ANO4: variants seen among roughly 807,000 people sequenced by gnomAD.
The protein encoded by ANO4 is anoctamin-4.
A neutral mutation model predicts 141.9 loss-of-function variants in ANO4; 69 were observed. The ratio of observed to expected loss-of-function variants is 0.49; its 90% confidence interval spans 0.40 to 0.59. The LOEUF is 0.59. Ranked by LOEUF, ANO4 falls within the 20% of genes least tolerant of loss-of-function variation. ANO4 has a pLI of 0.00. For synonymous variants in ANO4, 350 were observed against 394.3 expected, an observed-to-expected ratio of 0.89 and a Z score of 1.33; for missense variants, 894 against 1,162.2, an observed-to-expected ratio of 0.77 and a Z score of 3.36.
At chr12:100,749,157 A>G (rs962674858) in intron 3 of ANO4, among the ~76,000 whole-genome samples, 1 of 152,282 alleles carries the variant, frequency 6.6e-6, no homozygotes, top group East Asian at 1.9e-4. Context: ...AGCTGGGGGT[A>G]AATGTCTCCT....
intron 7 of ANO4, among the ~76,000 whole-genome samples, chr12:100,984,206 C>G (rs35616445): frequency 0.13 from 20,237 of 152,118 alleles, 1,519 homozygotes; most frequent in Non-Finnish European, 0.17. Context: ...AAGTGATTTT[C>G]CTGCCTCAAC....
rs144719608 is a variant in ANO4 at position 101,068,761 on chromosome 12, G to A, written c.1313-10432G>A. The A allele has an allele frequency of 2.1e-4, 271 of 1,271,148 alleles. No homozygotes were observed. In the East Asian group the frequency reaches 3.5e-3, roughly 16 times the overall value. The allele number at this position is 1,271,148 out of a possible 1,614,324, so 78.7% of individuals were successfully genotyped here. On this transcript the variant is annotated intron_variant, in intron 14 of 27. Coordinates refer to ENST00000392977, the MANE Select transcript of ANO4 (RefSeq NM_001286615.2). ...TGTTGCCGATGACTATATTCACACT[G>A]CAGCCTGCTTACATAGCCTGGCTTT...
At chr12:100,880,860 A>G (rs140210767) in intron 1 of ANO4, among the ~76,000 whole-genome samples, 36 of 152,230 alleles carry the variant, frequency 2.4e-4, no homozygotes, top group African/African-American at 7.9e-4. Context: ...TGCATGGACC[A>G]TTGGCTCTAA....
rs182219543 is a variant in ANO4, at chr12:100,942,225, C to T, written c.298-152C>T. 697 of 724,122 alleles carry T rather than the reference C, an allele frequency of 9.6e-4. 3 individuals carry two copies. In the African/African-American group the frequency reaches 0.01, roughly 11 times the overall value. The allele number at this position is 724,122 out of a possible 1,614,324, so 44.9% of individuals were successfully genotyped here. A position where few individuals can be genotyped will look rare whatever the true frequency, so the allele number is the denominator to read the frequency against. ...CGAACTCCTGACCTCGTGATCCACC[C>T]GCCTCGGCCTCCCAAAGTGCTGGGA... On this transcript the variant is annotated intron_variant, in intron 4 of 27. Coordinates refer to ENST00000392977, the MANE Select transcript of ANO4 (RefSeq NM_001286615.2).
At chr12:100,786,269 T>C (rs561210074) in intron 3 of ANO4, among the ~76,000 whole-genome samples, 64 of 152,308 alleles carry the variant, frequency 4.2e-4, no homozygotes, top group African/African-American at 1.3e-3. Flanking sequence ...GCGCTGATGG[T>C]TATTGCAGTT....
chr12:100,802,787 GA>G (rs919715291), intron 1 of ANO4, among the ~76,000 whole-genome samples: 4 of 151,666 alleles, frequency 2.6e-5, no homozygotes, highest in East Asian at 1.9e-4. Flanking sequence ...GCTATGGAGG[GA>G]AAAAAAATGA....
chr12:100,967,689 C>T (rs988115327), intron 5 of ANO4, among the ~76,000 whole-genome samples: 1 of 151,914 alleles, frequency 6.6e-6, no homozygotes, highest in African/African-American at 2.4e-5. Flanking sequence ...CCTTTAATAG[C>T]CCCAAATAAA....
chr12:100,920,688 G>T (rs1293781025), intron 2 of ANO4, among the ~76,000 whole-genome samples: 1 of 152,150 alleles, frequency 6.6e-6, no homozygotes, highest in African/African-American at 2.4e-5. Context: ...CACTGCTGTG[G>T]CTGGAATGTT....
intron 5 of ANO4, among the ~76,000 whole-genome samples, chr12:100,957,300 A>G (rs1397664504): frequency 6.6e-6 from 1 of 152,134 alleles, no homozygotes; most frequent in Non-Finnish European, 1.5e-5. Flanking sequence ...ATAACAACCT[A>G]CTTTTGTGGG....
intron 1 of ANO4, among the ~76,000 whole-genome samples, chr12:100,804,249 G>A (rs1304138385): frequency 1.3e-5 from 2 of 152,110 alleles, no homozygotes; most frequent in South Asian, 2.1e-4. Flanking sequence ...ATGGCTTCCA[G>A]CTCCATTCAT....
intron 2 of ANO4, chr12:100,733,989 A>G: frequency 1.7e-6 from 1 of 578,304 alleles, no homozygotes; most frequent in East Asian, 2.9e-5. Flanking sequence ...GAATCAGAGC[A>G]ATTGCTTGTG....
chr12:100,906,568 C>A (rs2040854522), intron 2 of ANO4, among the ~76,000 whole-genome samples: 1 of 152,054 alleles, frequency 6.6e-6, no homozygotes, highest in African/African-American at 2.4e-5. Flanking sequence ...AAGGCAAGAT[C>A]ATTGAATGAA....
intron 1 of ANO4, among the ~76,000 whole-genome samples, chr12:100,845,712 A>G (rs535429118): frequency 6.6e-6 from 1 of 152,328 alleles, no homozygotes; most frequent in South Asian, 2.1e-4. Flanking sequence ...TCACCCTAAT[A>G]GTTATCTAAA....
intron 2 of ANO4, among the ~76,000 whole-genome samples, chr12:100,738,541 A>C (rs1456562106): frequency 6.6e-6 from 1 of 152,178 alleles, no homozygotes; most frequent in Non-Finnish European, 1.5e-5. Flanking sequence ...TATGCTATAA[A>C]TTAGCTATAA....
intron 14 of ANO4, chr12:101,068,709 T>C: frequency 7.8e-7 from 1 of 1,289,432 alleles, no homozygotes; most frequent in Non-Finnish European, 1.1e-6. Context: ...GTGTGAAAGC[T>C]GACAAAATGA....
rs184285625 is a variant in ANO4, at chr12:101,054,144, G to A, written c.1312+5743G>A. 5.6e-3 allele frequency among the ~76,000 whole-genome samples: 846 copies of A among 152,280 alleles called. 11 individuals carry two copies. Among genetic ancestry groups the A allele is most frequent in the African/African-American group, 0.019 (808 of 41,564 alleles). On this transcript the variant is annotated intron_variant, in intron 14 of 27. Transcript: ENST00000392977. ...ATAATATGCAAAATTTGTGAACAAC[G>A]TAAATGTCCAACAATAGAAGAACGG... is the stretch of plus-strand genomic sequence containing the variant.
chr12:100,817,125 G>A (rs1434669319), intron 1 of ANO4, among the ~76,000 whole-genome samples: 3 of 151,798 alleles, frequency 2.0e-5, no homozygotes, highest in African/African-American at 7.2e-5. Context: ...TGAGCAATAT[G>A]ATTAGGCATT....
At chr12:100,903,575 A>G (rs1428530686) in intron 2 of ANO4, among the ~76,000 whole-genome samples, 2 of 152,212 alleles carry the variant, frequency 1.3e-5, no homozygotes, top group Admixed American at 1.3e-4. Flanking sequence ...TCAAGGTTCA[A>G]TCAGAAAAGC....
At chr12:100,855,580 A>G (rs1384260950) in intron 1 of ANO4, among the ~76,000 whole-genome samples, 1 of 152,148 alleles carries the variant, frequency 6.6e-6, no homozygotes, top group African/African-American at 2.4e-5. Flanking sequence ...TCATACTTAC[A>G]GAGTTTGTTT....
Sources: allele counts gnomAD v4.1 joint callset (sites outside exome capture counted in the v4.1 genomes callset), GRCh38; gene constraint gnomAD v4.1.1; transcripts MANE v1.5; gene names NCBI Gene and HGNC (gene_info 2026-07-23, HGNC 2026-07-21).